The following KDM4C variants were observed in gnomAD, a reference collection of about 807,000 sequenced individuals.
KDM4C encodes the protein lysine demethylase 4C, also known as lysine-specific demethylase 4C.
Under a neutral mutation model 129.3 loss-of-function variants are expected in KDM4C, and 81 were observed. The observed-to-expected ratio is 0.63, with a 90% CI of 0.52 to 0.75. The LOEUF (loss-of-function observed/expected upper bound fraction) is 0.75, where lower values mean the gene tolerates loss of function less well. Among genes scored for constraint, KDM4C ranks in the 30% least tolerant of loss-of-function variants. The probability of loss-of-function intolerance (pLI) is 0.00; values close to 1 mark genes in which losing one functional copy is unlikely to be tolerated. For synonymous variants in KDM4C, 573 were observed against 456.1 expected, an observed-to-expected ratio of 1.26 and a Z score of -3.26; for missense variants, 1,457 against 1,304.0, an observed-to-expected ratio of 1.12 and a Z score of -1.81.
chr9:6,911,782 G>C (rs1819362260), intron 8 of KDM4C, among the ~76,000 whole-genome samples: 1 of 152,212 alleles, frequency 6.6e-6, no homozygotes, highest in Non-Finnish European at 1.5e-5. Flanking sequence ...TGACCCAGCT[G>C]AATGTTTCTG....
chr9:6,749,589 G>T (rs1387835073), intron 1 of KDM4C, among the ~76,000 whole-genome samples: 1 of 151,632 alleles, frequency 6.6e-6, no homozygotes, highest in Non-Finnish European at 1.5e-5. Flanking sequence ...GATTGCTTGA[G>T]CCCAGTAATT....
At chr9:7,057,343 T>C (rs1245633496) in intron 17 of KDM4C, among the ~76,000 whole-genome samples, 1 of 152,260 alleles carries the variant, frequency 6.6e-6, no homozygotes, top group African/African-American at 2.4e-5. Flanking sequence ...GGGCTGGATT[T>C]ATTGATCTCA....
intron 5 of KDM4C, among the ~76,000 whole-genome samples, chr9:6,875,743 T>C (rs915837260): frequency 6.6e-6 from 1 of 152,226 alleles, no homozygotes; most frequent in African/African-American, 2.4e-5. Flanking sequence ...TTCATTCTGA[T>C]AGGTCTTAGC....
intron 8 of KDM4C, among the ~76,000 whole-genome samples, chr9:6,968,923 T>A (rs1017138507): frequency 6.6e-6 from 1 of 152,146 alleles, no homozygotes; most frequent in African/African-American, 2.4e-5. Context: ...ATATGTAACT[T>A]CTGTTGGGTT....
chr9:7,116,393 T>C (rs1042131629), intron 18 of KDM4C, among the ~76,000 whole-genome samples: 12 of 152,170 alleles, frequency 7.9e-5, no homozygotes, highest in African/African-American at 2.9e-4. Context: ...CCTTACTGTA[T>C]CTGAGAAAGT....
chr9:6,854,493 C>G (rs1405702515), intron 5 of KDM4C, among the ~76,000 whole-genome samples: 1 of 141,864 alleles, frequency 7.0e-6, no homozygotes, highest in Non-Finnish European at 1.5e-5. Context: ...CCATTGCACT[C>G]CAGCCTGGGC....
At chr9:6,885,664 G>C (rs1268672584) in intron 6 of KDM4C, among the ~76,000 whole-genome samples, 2 of 151,132 alleles carry the variant, frequency 1.3e-5, no homozygotes, top group East Asian at 3.9e-4. Flanking sequence ...GCAAGGAATT[G>C]ACTGTGTTTT....
At chr9:6,840,793 T>A (rs1226667888) in intron 4 of KDM4C, among the ~76,000 whole-genome samples, 1 of 152,224 alleles carries the variant, frequency 6.6e-6, no homozygotes, top group Non-Finnish European at 1.5e-5. Context: ...TTTGTTTTCC[T>A]AGCATGGGGG....
intron 16 of KDM4C, among the ~76,000 whole-genome samples, chr9:7,048,176 C>T (rs1438291684): frequency 1.3e-5 from 2 of 152,098 alleles, no homozygotes; most frequent in African/African-American, 4.8e-5. Context: ...TGTAAAAACA[C>T]GGGTGATAAG....
intron 2 of KDM4C, among the ~76,000 whole-genome samples, chr9:6,802,126 A>G (rs1007442565): frequency 6.6e-6 from 1 of 151,672 alleles, no homozygotes; most frequent in Non-Finnish European, 1.5e-5. Context: ...AAAAAGTATC[A>G]GTAAGGTCAG....
intron 21 of KDM4C, among the ~76,000 whole-genome samples, chr9:7,173,574 G>A (rs1409387350): frequency 6.6e-6 from 1 of 152,202 alleles, no homozygotes; most frequent in African/African-American, 2.4e-5. Flanking sequence ...TTGCAGAGGT[G>A]AGGGCCTGCC....
intron 4 of KDM4C, among the ~76,000 whole-genome samples, chr9:6,831,591 A>G (rs762748662): frequency 6.6e-6 from 1 of 152,032 alleles, no homozygotes; most frequent in Admixed American, 6.6e-5. Flanking sequence ...AATCCAGCCA[A>G]CTCGGCCTCT....
intron 1 of KDM4C, among the ~76,000 whole-genome samples, chr9:6,785,096 G>C (rs1029338069): frequency 5.0e-4 from 76 of 152,166 alleles, no homozygotes; most frequent in African/African-American, 1.7e-3. Context: ...CACAAACTGG[G>C]ATGGTTTAAA....
intron 1 of KDM4C, among the ~76,000 whole-genome samples, chr9:6,761,725 TTTGA>T (rs1563946074): frequency 6.6e-6 from 1 of 152,238 alleles, no homozygotes; most frequent in African/African-American, 2.4e-5. Context: ...CATTCTGTAC[TTTGA>T]TTAAGCTCAA....
At chr9:6,896,244 A>G (rs1430001931) in intron 8 of KDM4C, among the ~76,000 whole-genome samples, 1 of 152,208 alleles carries the variant, frequency 6.6e-6, no homozygotes, top group African/African-American at 2.4e-5. Flanking sequence ...GTCATTGTTC[A>G]TAAGTGATTA....
At chr9:7,077,253 A>G (rs1232127043) in intron 17 of KDM4C, 8 of 982,916 alleles carry the variant, frequency 8.1e-6, no homozygotes, top group East Asian at 1.1e-4. Context: ...TAAAGATGCC[A>G]TTTGCATGGA....
At chr9:6,931,168 C>T (rs1823662608) in intron 8 of KDM4C, among the ~76,000 whole-genome samples, 1 of 151,648 alleles carries the variant, frequency 6.6e-6, no homozygotes, top group South Asian at 2.1e-4. Context: ...CCCTCAGTAA[C>T]AAGGGCAGCA....
chr9:6,816,396 C>G (rs1214885743), intron 4 of KDM4C, among the ~76,000 whole-genome samples: 1 of 152,130 alleles, frequency 6.6e-6, no homozygotes, highest in East Asian at 1.9e-4. Flanking sequence ...CTATTACCTA[C>G]TATAGGCTCC....
intron 8 of KDM4C, chr9:6,978,841 C>G (rs1833377543): frequency 6.6e-6 from 1 of 152,188 alleles, no homozygotes; most frequent in Admixed American, 6.5e-5. Context: ...GTACCATCCT[C>G]CAGTCTCGGA....
Sources: allele counts gnomAD v4.1 joint callset (sites outside exome capture counted in the v4.1 genomes callset), GRCh38; gene constraint gnomAD v4.1.1; transcripts MANE v1.5; gene names NCBI Gene and HGNC (gene_info 2026-07-23, HGNC 2026-07-21).